Variants in SLC35F4 observed in about 807,000 individuals in gnomAD.
SLC35F4 encodes the protein chromosome 14 open reading frame 36.
Under a neutral mutation model 44.2 loss-of-function variants are expected in SLC35F4, and 24 were observed. The observed-to-expected ratio is 0.54, with a 90% CI of 0.39 to 0.76. SLC35F4 has a LOEUF of 0.76. Among genes scored for constraint, SLC35F4 ranks in the 30% least tolerant of loss-of-function variants. The probability of loss-of-function intolerance (pLI) is 0.00; values close to 1 mark genes in which losing one functional copy is unlikely to be tolerated. For synonymous variants in SLC35F4, 238 were observed against 223.6 expected (o/e 1.06, Z -0.57); for missense variants, 562 against 586.1 (o/e 0.96, Z 0.42).
chr14:57,599,811 A>G (rs2070707942), intron 1 of SLC35F4, among the ~76,000 whole-genome samples: 1 of 151,402 alleles, frequency 6.6e-6, no homozygotes, highest in Non-Finnish European at 1.5e-5. Context: ...TGAAAAAAAA[A>G]AAAAAAAACA....
chr14:57,726,581 T>C (rs1172712187), intron 1 of SLC35F4, among the ~76,000 whole-genome samples: 5 of 152,220 alleles, frequency 3.3e-5, no homozygotes, highest in Admixed American at 3.3e-4. Context: ...TATGTAATAG[T>C]ATTTGGGTTG....
In SLC35F4 at chr14:57,931,521, T is replaced by C. The variant is rs369243537; in HGVS notation, n.282+50392A>G. ...GGCTTGAGGATGTCAATTTGGAAAC[T>C]ATCCCATTAAAAATGAGAAACTATA... is the stretch of plus-strand genomic sequence containing the variant. On this transcript the variant is annotated intron_variant and non_coding_transcript_variant, in intron 1 of 1. Transcript: ENST00000556568. Among the ~76,000 whole-genome samples, 14 of 152,334 alleles carry C rather than the reference T, an allele frequency of 9.2e-5. 1 individual carries two copies. In the South Asian group the frequency reaches 1.4e-3, roughly 16 times the overall value.
chr14:57,644,039 CCAA>C (rs2073375095), intron 1 of SLC35F4, among the ~76,000 whole-genome samples: 4 of 152,118 alleles, frequency 2.6e-5, no homozygotes, highest in Non-Finnish European at 2.9e-5. Flanking sequence ...TGGGTTGGTT[CCAA>C]GTCTTTGCTA....
At chr14:57,830,568 C>A (rs780067811) in intron 1 of SLC35F4, among the ~76,000 whole-genome samples, 25 of 152,060 alleles carry the variant, frequency 1.6e-4, no homozygotes, top group Non-Finnish European at 2.6e-4. Flanking sequence ...ATTTAAAGAG[C>A]AAAGTGATTG....
intron 1 of SLC35F4, among the ~76,000 whole-genome samples, chr14:57,717,743 G>GTA (rs1273013780): frequency 6.6e-6 from 1 of 152,080 alleles, no homozygotes; most frequent in Non-Finnish European, 1.5e-5. Context: ...CATAGTAGGT[G>GTA]TATATATATT....
chr14:57,961,174 C>T (rs187890119), intron 1 of SLC35F4, among the ~76,000 whole-genome samples: 2 of 152,282 alleles, frequency 1.3e-5, no homozygotes, highest in East Asian at 3.9e-4. Flanking sequence ...CATGGTTACT[C>T]AGCCGTGCGC....
intron 1 of SLC35F4, among the ~76,000 whole-genome samples, chr14:57,614,047 T>C (rs1275816560): frequency 6.6e-6 from 1 of 152,236 alleles, no homozygotes; most frequent in East Asian, 1.9e-4. Flanking sequence ...AGTTTCTGAC[T>C]TATAAACTGG....
intron 1 of SLC35F4, among the ~76,000 whole-genome samples, chr14:57,741,600 T>C (rs2076610283): frequency 6.6e-6 from 1 of 151,940 alleles, no homozygotes; most frequent in Admixed American, 6.6e-5. Context: ...AAAAGACAAA[T>C]CTAAGTCTGA....
chr14:57,859,527 T>C (rs140104819), intron 1 of SLC35F4, among the ~76,000 whole-genome samples: 1,796 of 152,318 alleles, frequency 0.012, 18 homozygotes, highest in Middle Eastern at 0.027. Flanking sequence ...TGTGCTAAAA[T>C]AGAACAATAT....
chr14:57,747,766 C>T (rs2140544294), intron 1 of SLC35F4, among the ~76,000 whole-genome samples: 1 of 152,294 alleles, frequency 6.6e-6, no homozygotes, highest in Non-Finnish European at 1.5e-5. Flanking sequence ...AAATATTCAA[C>T]TCCAACTACT....
At chr14:57,687,792 T>C (rs1055465913) in intron 1 of SLC35F4, among the ~76,000 whole-genome samples, 1 of 152,124 alleles carries the variant, frequency 6.6e-6, no homozygotes, top group African/African-American at 2.4e-5. Context: ...ATTCCTTTAT[T>C]TGCAAAAAGA....
At position 57,780,346 on chromosome 14, in the gene SLC35F4, A is replaced by G. The variant is rs148828843; in HGVS notation, c.103+85377T>C. Among the ~76,000 whole-genome samples the G allele has an allele frequency of 2.7e-4, 41 of 152,290 alleles. No homozygotes were observed. In the East Asian group the frequency reaches 7.5e-3, roughly 28 times the overall value. ...AATCCCATTCACAATTGCCACAAAAAGAATCAAATACCTAGGATTACAGCT... is the reference window on the plus strand; with the variant it reads ...AATCCCATTCACAATTGCCACAAAAGGAATCAAATACCTAGGATTACAGCT... On this transcript the variant is annotated intron_variant, in intron 1 of 7. Coordinates refer to ENST00000556826, the MANE Select transcript of SLC35F4 (RefSeq NM_001306087.2).
At chr14:57,621,471 T>C (rs1320214873) in intron 1 of SLC35F4, among the ~76,000 whole-genome samples, 1 of 151,862 alleles carries the variant, frequency 6.6e-6, no homozygotes, top group African/African-American at 2.4e-5. Context: ...AAAACAGAGA[T>C]ATAGATCAAT....
At position 57,754,098 on chromosome 14, in the gene SLC35F4, CT is replaced by C. The variant is rs1200175550; in HGVS notation, c.103+111624del. Among the ~76,000 whole-genome samples, 655 of 110,446 alleles carry C rather than the reference CT, an allele frequency of 5.9e-3. 1 individual carries two copies. Among genetic ancestry groups the C allele is most frequent in the African/African-American group, 0.013 (362 of 27,070 alleles). The allele number at this position is 110,446 out of a possible 152,430, so 72.5% of individuals were successfully genotyped here. On this transcript the variant is annotated intron_variant, in intron 1 of 7. Coordinates refer to ENST00000556826, the MANE Select transcript of SLC35F4 (RefSeq NM_001306087.2). ...ATCCTTTACAATGACTAACCCAATG[CT>C]TTTTTTTTTTTTTTTTTTTTTTGAG...
intron 1 of SLC35F4, among the ~76,000 whole-genome samples, chr14:57,646,932 TTGAG>T (rs2073552245): frequency 6.6e-6 from 1 of 152,210 alleles, no homozygotes; most frequent in Non-Finnish European, 1.5e-5. Flanking sequence ...TTGAGCGGTT[TTGAG>T]TGAGTTTCTT....
intron 1 of SLC35F4, among the ~76,000 whole-genome samples, chr14:57,925,960 A>T (rs1889561305): frequency 6.6e-6 from 1 of 152,054 alleles, no homozygotes; most frequent in East Asian, 1.9e-4. Context: ...CTTTTTAGAG[A>T]CAGTATGGCA....
At chr14:57,614,717 C>G (rs1479325797) in intron 1 of SLC35F4, among the ~76,000 whole-genome samples, 1 of 152,190 alleles carries the variant, frequency 6.6e-6, no homozygotes, top group African/African-American at 2.4e-5. Context: ...AGCTCTAGAT[C>G]TCTCTCTGAT....
intron 1 of SLC35F4, among the ~76,000 whole-genome samples, chr14:57,690,164 T>C (rs1694493327): frequency 6.6e-6 from 1 of 152,220 alleles, no homozygotes; most frequent in Non-Finnish European, 1.5e-5. Context: ...TAGCTACTCC[T>C]TCCTGTCAAT....
At chr14:57,777,078 T>G (rs1432715759) in intron 1 of SLC35F4, among the ~76,000 whole-genome samples, 1 of 152,160 alleles carries the variant, frequency 6.6e-6, no homozygotes, top group Non-Finnish European at 1.5e-5. Context: ...ATGACAGGAT[T>G]AAGTCCACAC....
Sources: gnomAD v4.1 joint callset for allele counts (sites outside exome capture counted in the v4.1 genomes callset) on GRCh38, gnomAD v4.1.1 for gene constraint, MANE v1.5 for transcripts, NCBI Gene and HGNC (gene_info 2026-07-23, HGNC 2026-07-21) for gene names.